Variants in ZNF2 observed in about 807,000 individuals in gnomAD.
ZNF2 encodes zinc finger protein 2.
In ZNF2, 12 loss-of-function variants were observed where a neutral mutation model predicts 21.9. That is an observed-to-expected ratio of 0.55 (90% confidence interval 0.35 to 0.89). ZNF2 has a LOEUF of 0.89. Among genes scored for constraint, ZNF2 ranks in the 40% least tolerant of loss-of-function variants. The pLI, the probability that ZNF2 is intolerant of heterozygous loss-of-function variation, is 0.01. For synonymous variants in ZNF2, 186 were observed against 196.3 expected, an observed-to-expected ratio of 0.95 and a Z score of 0.44; for missense variants, 462 against 544.2, an observed-to-expected ratio of 0.85 and a Z score of 1.50.
chr2:95,174,580 A>G (rs1324315851), intron 1 of ZNF2, among the ~76,000 whole-genome samples: 2 of 152,174 alleles, frequency 1.3e-5, no homozygotes, highest in East Asian at 3.9e-4. Flanking sequence ...AGAATGTTCT[A>G]GCTCCTCCCA....
chr2:95,178,615 G>A (rs758246255), intron 3 of ZNF2, among the ~76,000 whole-genome samples: 16 of 152,134 alleles, frequency 1.1e-4, no homozygotes, highest in Admixed American at 2.0e-4. Context: ...TCTTTCCCAA[G>A]TTGGGGCCTC....
intron 1 of ZNF2, among the ~76,000 whole-genome samples, chr2:95,168,223 G>A (rs1205425912): frequency 6.6e-6 from 1 of 152,014 alleles, no homozygotes. Context: ...TCAAGAGATT[G>A]AAACCATCCT....
intron 1 of ZNF2, 58 bp from the exon 2 acceptor site, chr2:95,176,130 G>A: frequency 6.9e-7 from 1 of 1,451,556 alleles, no homozygotes; most frequent in Non-Finnish European, 9.7e-7. Context: ...AAAAGACTAT[G>A]CGACAGGACT....
intron 4 of ZNF2, 41 bp downstream of exon 4, chr2:95,180,313 CT>C (rs1315677116): frequency 4.2e-6 from 6 of 1,421,048 alleles, no homozygotes; most frequent in Middle Eastern, 1.8e-4. Context: ...TTTTGTTTGG[CT>C]TTTTGTTATT....
intron 1 of ZNF2, among the ~76,000 whole-genome samples, chr2:95,166,985 G>A (rs537254606): frequency 1.3e-5 from 2 of 152,300 alleles, no homozygotes; most frequent in Admixed American, 6.5e-5. Flanking sequence ...GTTTGAAAAT[G>A]GAGCCCTGAA....
chr2:95,173,834 A>G (rs1283685634), intron 1 of ZNF2, among the ~76,000 whole-genome samples: 1 of 152,108 alleles, frequency 6.6e-6, no homozygotes. Context: ...TCAGCCTCCC[A>G]AGTAGCTGGG....
intron 3 of ZNF2, among the ~76,000 whole-genome samples, chr2:95,178,854 A>G (rs1015929211): frequency 6.6e-6 from 1 of 152,204 alleles, no homozygotes; most frequent in African/African-American, 2.4e-5. Context: ...TTATCCATAC[A>G]ATGTCATATC....
Position 95,165,873 on chromosome 2 carries a change from G to T in ZNF2, c.-40+13G>T, listed in dbSNP as rs1674010344. ...CTCTGTGCCGGAGGTGAGGGTTGTG[G>T]GTGTGTGTCTTCAAGGAGCGGAGTG... On this transcript the variant is annotated intron_variant, in intron 1 of 4. Coordinates refer to ENST00000614034, the MANE Select transcript of ZNF2 (RefSeq NM_021088.4). 1 of 152,340 alleles carries T rather than the reference G, an allele frequency of 6.6e-6. No homozygotes were observed. Among genetic ancestry groups the T allele is most frequent in the African/African-American group, 2.4e-5 (1 of 41,470 alleles). 9.4% of individuals were successfully genotyped at this position (152,340 alleles called of 1,614,324 possible).
chr2:95,172,889 G>A (rs1241949585), intron 1 of ZNF2, among the ~76,000 whole-genome samples: 1 of 151,062 alleles, frequency 6.6e-6, no homozygotes, highest in African/African-American at 2.4e-5. Flanking sequence ...CACACGCCTC[G>A]GTCTCCCAAA....
rs946558141 is a variant in ZNF2 at position 95,180,251 on chromosome 2, T to A, written c.253T>A (p.Trp85Arg). Reference sequence around the variant, plus strand: ...TCTTCATGGGTCTGAGGAGAGAGAATGGCCAGAGAGTGTCTCTCTAGGTAA... The same window carrying A: ...TCTTCATGGGTCTGAGGAGAGAGAAAGGCCAGAGAGTGTCTCTCTAGGTAA... ...VDLHGSEERE[W>R]PESVSLDWET... The change falls in exon 4 of 5, where the codon TGG becomes AGG. Residue 85 changes from tryptophan to arginine, a missense_variant. Coordinates refer to ENST00000614034, the MANE Select transcript of ZNF2 (RefSeq NM_021088.4). 6 of 1,613,212 alleles carry A rather than the reference T, an allele frequency of 3.7e-6. No homozygotes were observed. Among genetic ancestry groups the A allele is most frequent in the Non-Finnish European group, 5.1e-6 (6 of 1,179,388 alleles).
rs369624119 is a variant in ZNF2, at chr2:95,181,303, C to T, written c.475C>T (p.Arg159Trp). The change falls in exon 5 of 5, where the codon CGG becomes TGG. Residue 159 changes from arginine to tryptophan, a missense_variant. Arg to Trp is a moderately radical substitution (Grantham distance 101). Coordinates refer to ENST00000614034, the MANE Select transcript of ZNF2 (RefSeq NM_021088.4). Reference protein sequence around the residue: ...SLSRDKGLRRRSALSREILTK... With the variant: ...SLSRDKGLRRWSALSREILTK... ...CTCCCGGGACAAAGGCTTGCGGCGA[C>T]GGTCAGCCCTGTCCAGGGAAATTCT... is the stretch of plus-strand genomic sequence containing the variant. 2.7e-5 allele frequency: 43 copies of T among 1,614,108 alleles called. No homozygotes were observed. The highest frequency in any genetic ancestry group is 9.9e-5 in the South Asian group (9 of 91,090).
chr2:95,183,210 T>C lies in ZNF2; in HGVS notation c.*1104T>C, dbSNP rs1445565032. ...ACCTGACGGGAACCATTCTGTCTTA[T>C]TCTATCCTCATTATTTGGAACATCT... On this transcript the variant is annotated 3_prime_UTR_variant, in exon 5 of 5. Transcript: ENST00000614034. The C allele has an allele frequency of 1.3e-5, 2 of 152,358 alleles. No homozygotes were observed. The highest frequency in any genetic ancestry group is 1.9e-4 in the East Asian group (1 of 5,176). The allele number at this position is 152,358 out of a possible 1,614,324, so 9.4% of individuals were successfully genotyped here. A position where few individuals can be genotyped will look rare whatever the true frequency, so the allele number is the denominator to read the frequency against.
intron 1 of ZNF2, among the ~76,000 whole-genome samples, chr2:95,170,207 C>G (rs1434273293): frequency 6.6e-6 from 1 of 152,220 alleles, no homozygotes; most frequent in Admixed American, 6.5e-5. Context: ...ATACACGTTG[C>G]ATGCTCTGGT....
intron 2 of ZNF2, among the ~76,000 whole-genome samples, chr2:95,177,165 A>G (rs1674474705): frequency 6.6e-6 from 1 of 152,204 alleles, no homozygotes; most frequent in Non-Finnish European, 1.5e-5. Context: ...AATAAAGTAA[A>G]TGTGGAAAAT....
rs188796121 is a variant in ZNF2 at position 95,175,796 on chromosome 2, A to C, written c.-39-392A>C. Among the ~76,000 whole-genome samples the C allele has an allele frequency of 3.3e-5, 5 of 152,256 alleles. No individual in the cohort carries two copies. In the East Asian group the frequency reaches 9.7e-4, roughly 29 times the overall value. On this transcript the variant is annotated intron_variant, in intron 1 of 4. Coordinates refer to ENST00000614034, the MANE Select transcript of ZNF2 (RefSeq NM_021088.4). ...AGTGGGGTATTTTTCCTTTGAAGAG[A>C]CTGGATTGTCTTTGATATGTCTTGT... is the stretch of plus-strand genomic sequence containing the variant.
In ZNF2 at chr2:95,181,159, T is replaced by C. The variant is rs374343221; in HGVS notation, c.331T>C (p.Leu111=). Residue 111 remains leucine (L), a synonymous_variant, in exon 5 of 5, where the codon TTG becomes CTG. Coordinates refer to ENST00000614034, the MANE Select transcript of ZNF2 (RefSeq NM_021088.4). The stretch of plus-strand genomic sequence containing the variant: ...TTCAGACAAAAAATCAGAAGGATCA[T>C]TGAGGGAATGCCTTGGAAGGCAAAG... The part of the protein sequence containing the change: ...DASDKKSEGS[L]RECLGRQSPL... The C allele has an allele frequency of 1.5e-4, 238 of 1,614,118 alleles. No individual in the cohort carries two copies. The highest frequency in any genetic ancestry group is 1.8e-4 in the Non-Finnish European group (208 of 1,180,054).
intron 1 of ZNF2, among the ~76,000 whole-genome samples, chr2:95,175,481 A>G (rs1485366608): frequency 6.6e-6 from 1 of 152,000 alleles, no homozygotes; most frequent in Non-Finnish European, 1.5e-5. Context: ...TGTACCTCCC[A>G]TGTGCCCATG....
chr2:95,171,715 C>A (rs1394357370), intron 1 of ZNF2, among the ~76,000 whole-genome samples: 5 of 152,208 alleles, frequency 3.3e-5, no homozygotes, highest in Admixed American at 1.3e-4. Flanking sequence ...CAGTTTCCAA[C>A]ATTTCTGCTT....
chr2:95,169,481 G>T (rs888545075), intron 1 of ZNF2, among the ~76,000 whole-genome samples: 1 of 152,150 alleles, frequency 6.6e-6, no homozygotes, highest in African/African-American at 2.4e-5. Context: ...TCGGCCAGGC[G>T]CAGTGGCTCA....
Sources: allele counts gnomAD v4.1 joint callset (sites outside exome capture counted in the v4.1 genomes callset), GRCh38; gene constraint gnomAD v4.1.1; transcripts MANE v1.5; gene names NCBI Gene and HGNC (gene_info 2026-07-23, HGNC 2026-07-21).